The following ATP10A variants were observed in gnomAD, a reference collection of about 807,000 sequenced individuals.
The protein encoded by ATP10A is ATPase phospholipid transporting 10A (putative), also known as phospholipid-transporting ATPase VA.
In ATP10A, 111 loss-of-function variants were observed where a neutral mutation model predicts 147.8. The observed-to-expected ratio is 0.75, with a 90% CI of 0.64 to 0.88. The LOEUF (loss-of-function observed/expected upper bound fraction) is 0.88, where lower values mean the gene tolerates loss of function less well. Among genes scored for constraint, ATP10A ranks in the 40% least tolerant of loss-of-function variants. The pLI is 0.00. For synonymous variants in ATP10A, 875 were observed against 841.6 expected (o/e 1.04, Z -0.69); for missense variants, 1,927 against 1,959.0 (o/e 0.98, Z 0.31).
chr15:25,716,808 A>T lies in ATP10A; in HGVS notation c.1698T>A (p.Ser566=), dbSNP rs769889836. The change falls in exon 9 of 21, where the codon TCT becomes TCA. Residue 566 remains serine (S), a synonymous_variant. Transcript: ENST00000555815. ...HLLAHLSPEL[S]DVFDFFIALT... is the part of the protein sequence containing the mutation. ...GTGCGATGAAGAAATCAAAGACGTC[A>T]GACAGCTCAGGCGAGAGGTGGGCCA... 23 of 1,610,216 alleles carry T rather than the reference A, an allele frequency of 1.4e-5. 1 individual carries two copies. In the South Asian group the frequency reaches 2.5e-4, roughly 18 times the overall value.
At chr15:25,796,119 C>T (rs940995241) in intron 1 of ATP10A, among the ~76,000 whole-genome samples, 5 of 152,272 alleles carry the variant, frequency 3.3e-5, no homozygotes, top group East Asian at 1.9e-4. Flanking sequence ...CAACACAAAA[C>T]GAACAGGGAC....
intron 1 of ATP10A, among the ~76,000 whole-genome samples, chr15:25,822,456 G>A (rs1891931790): frequency 6.6e-6 from 1 of 152,068 alleles, no homozygotes; most frequent in African/African-American, 2.4e-5. Context: ...ATTTCTGCTG[G>A]CCTAATGATC....
intron 1 of ATP10A, among the ~76,000 whole-genome samples, chr15:25,824,319 CA>C (rs1446241100): frequency 1.3e-5 from 2 of 151,486 alleles, no homozygotes; most frequent in African/African-American, 2.4e-5. Flanking sequence ...TAAAAAAATA[CA>C]AAGAAATGCT....
At chr15:25,767,947 T>A (rs1383580671) in intron 2 of ATP10A, among the ~76,000 whole-genome samples, 1 of 152,186 alleles carries the variant, frequency 6.6e-6, no homozygotes, top group African/African-American at 2.4e-5. Flanking sequence ...GCACTGGGCA[T>A]CCCTGACCTG....
intron 3 of ATP10A, among the ~76,000 whole-genome samples, chr15:25,727,779 G>A (rs998680301): frequency 2.0e-5 from 3 of 152,228 alleles, no homozygotes; most frequent in African/African-American, 7.2e-5. Flanking sequence ...TATGTGGTCT[G>A]AAATGTGGTA....
At chr15:25,843,174 A>AC (rs1402593092) in intron 1 of ATP10A, among the ~76,000 whole-genome samples, 3 of 152,058 alleles carry the variant, frequency 2.0e-5, no homozygotes, top group African/African-American at 7.2e-5. Flanking sequence ...CCTCCCTGGC[A>AC]CCAGAGGGCT....
At chr15:25,818,880 C>T (rs916314614) in intron 1 of ATP10A, among the ~76,000 whole-genome samples, 19 of 152,096 alleles carry the variant, frequency 1.2e-4, no homozygotes, top group African/African-American at 4.6e-4. Flanking sequence ...AATTGGATTG[C>T]TACATGCAGA....
At chr15:25,776,256 G>A (rs890101801) in intron 2 of ATP10A, among the ~76,000 whole-genome samples, 19 of 152,156 alleles carry the variant, frequency 1.2e-4, no homozygotes, top group Non-Finnish European at 2.5e-4. Flanking sequence ...AGGGCTGCAC[G>A]AATGTGCAGG....
chr15:25,863,227 TCAGCGCGCCGCCTGGCCGGCC>T lies in ATP10A; in HGVS notation c.-152_-132del, dbSNP rs1046907996. ...CCTGCGGGACGCACGGAGACCGCGG[TCAGCGCGCCGCCTGGCCGGCC>T]CAGCGCGCCCAGCCCGCGCCCAGCC... On this transcript the variant is annotated 5_prime_UTR_variant, in exon 1 of 21. Transcript: ENST00000555815. 2 of 578,294 alleles carry T rather than the reference TCAGCGCGCCGCCTGGCCGGCC, an allele frequency of 3.5e-6. No individual in the cohort carries two copies. Among genetic ancestry groups the T allele is most frequent in the Admixed American group, 5.8e-5 (1 of 17,272 alleles). The allele number at this position is 578,294 out of a possible 1,614,324, so 35.8% of individuals were successfully genotyped here.
At chr15:25,701,875 A>G in intron 13 of ATP10A, 41 bp downstream of exon 13, 1 of 1,529,838 alleles carries the variant, frequency 6.5e-7, no homozygotes, top group Non-Finnish European at 8.8e-7. Flanking sequence ...AACATGGACC[A>G]CCCCAGGGGA....
At chr15:25,690,208 C>G (rs1303763145) in intron 15 of ATP10A, among the ~76,000 whole-genome samples, 1 of 149,848 alleles carries the variant, frequency 6.7e-6, no homozygotes, top group African/African-American at 2.5e-5. Flanking sequence ...CATGACACAC[C>G]TACGTTTTCC....
chr15:25,839,587 T>C (rs1892726090), intron 1 of ATP10A, among the ~76,000 whole-genome samples: 1 of 152,192 alleles, frequency 6.6e-6, no homozygotes. Flanking sequence ...TGCTGGGTCC[T>C]GAAAACCTCA....
chr15:25,816,125 TTA>T (rs1433451637), intron 1 of ATP10A, among the ~76,000 whole-genome samples: 1 of 108,392 alleles, frequency 9.2e-6, no homozygotes, highest in Non-Finnish European at 2.3e-5. Context: ...TATTTGAAAC[TTA>T]GAATTTAAAA....
chr15:25,781,088 G>A lies in ATP10A; in HGVS notation c.585C>T (p.Ile195=), dbSNP rs766259711. Residue 195 remains isoleucine, a synonymous_variant, in exon 2 of 21, where the codon ATC becomes ATT. Transcript: ENST00000555815. ...SSSDPDGLCH[I]ETANLDGETN... ...TCTCTCCATCCAGGTTGGCGGTCTC[G>A]ATGTGGCATAGCCCGTCGGGGTCAC... The A allele has an allele frequency of 1.9e-6, 3 of 1,614,204 alleles. No homozygotes were observed. Among genetic ancestry groups the A allele is most frequent in the East Asian group, 2.2e-5 (1 of 44,874 alleles).
At chr15:25,770,086 C>T (rs952996283) in intron 2 of ATP10A, among the ~76,000 whole-genome samples, 3 of 152,176 alleles carry the variant, frequency 2.0e-5, no homozygotes, top group Non-Finnish European at 4.4e-5. Context: ...TTAAGCCGCC[C>T]AATTCATGGC....
intron 2 of ATP10A, among the ~76,000 whole-genome samples, chr15:25,772,831 G>A (rs938290074): frequency 2.6e-5 from 4 of 152,138 alleles, no homozygotes; most frequent in Non-Finnish European, 4.4e-5. Context: ...TACAGTTTTG[G>A]GAGGCGGGGA....
chr15:25,710,734 A>G (rs971308329), intron 10 of ATP10A: 1 of 152,188 alleles, frequency 6.6e-6, no homozygotes, highest in African/African-American at 2.4e-5. Flanking sequence ...ACTGCATGGT[A>G]TCAATGTGTG....
chr15:25,726,508 C>CTCGGCTCACTGCAACCT (rs1902563395), intron 4 of ATP10A, among the ~76,000 whole-genome samples: 2 of 150,640 alleles, frequency 1.3e-5, no homozygotes, highest in South Asian at 4.2e-4. Context: ...GTGGTATAAA[C>CTCGGCTCACTGCAACCT]TCGGCTCACT....
chr15:25,864,495 C>T (rs1246590270), upstream of ATP10A, among the ~76,000 whole-genome samples: 1 of 152,176 alleles, frequency 6.6e-6, no homozygotes, highest in East Asian at 1.9e-4. Context: ...GGGAGGCCCT[C>T]CCCTCCAGCA....
Sources: allele counts gnomAD v4.1 joint callset (sites outside exome capture counted in the v4.1 genomes callset), GRCh38; gene constraint gnomAD v4.1.1; transcripts MANE v1.5; gene names NCBI Gene and HGNC (gene_info 2026-07-23, HGNC 2026-07-21).